DNAH8: variants seen among roughly 807,000 people sequenced by gnomAD.
The protein encoded by DNAH8 is axonemal beta dynein heavy chain 8.
A neutral mutation model predicts 562.1 loss-of-function variants in DNAH8; 382 were observed. The ratio of observed to expected loss-of-function variants is 0.68; its 90% CI spans 0.63 to 0.74. The LOEUF (loss-of-function observed/expected upper bound fraction) is 0.74, where lower values mean the gene tolerates loss of function less well. DNAH8 is among the 30% of genes least tolerant of loss of function. The pLI, the probability that DNAH8 is intolerant of heterozygous loss-of-function variation, is 0.00. For missense variants in DNAH8, 5,203 were observed against 5,620.4 expected, an observed-to-expected ratio of 0.93 and a Z score of 2.37; for synonymous variants, 1,881 against 1,919.4, an observed-to-expected ratio of 0.98 and a Z score of 0.52.
At chr6:38,898,859 G>A (rs1221913247) in intron 61 of DNAH8, among the ~76,000 whole-genome samples, 5 of 151,930 alleles carry the variant, frequency 3.3e-5, no homozygotes, top group African/African-American at 9.7e-5. Context: ...GAGGTAACAC[G>A]AAAAAGGGGT....
chr6:38,953,474 C>T (rs1762051182), intron 82 of DNAH8, among the ~76,000 whole-genome samples: 1 of 152,310 alleles, frequency 6.6e-6, no homozygotes, highest in South Asian at 2.1e-4. Flanking sequence ...TATCATACTG[C>T]TTTGCTTGGC....
chr6:38,939,148 C>T (rs149675010), intron 79 of DNAH8, among the ~76,000 whole-genome samples, 160 bp downstream of exon 79: 5 of 152,196 alleles, frequency 3.3e-5, no homozygotes, highest in South Asian at 2.1e-4. Context: ...GTTTTTCATT[C>T]GTTTTGCCCT....
At chr6:38,841,782 A>G (rs1774820966) in intron 33 of DNAH8, among the ~76,000 whole-genome samples, 2 of 151,946 alleles carry the variant, frequency 1.3e-5, no homozygotes, top group South Asian at 4.1e-4. Context: ...CAGTGGTGCA[A>G]TCATAGCTCA....
At position 38,722,913 on chromosome 6, in the gene DNAH8, G is replaced by A; in HGVS notation, c.104G>A (p.Arg35His). 6.2e-7 allele frequency: 1 copy of A among 1,612,258 alleles called. No homozygotes were observed. The highest frequency in any genetic ancestry group is 8.5e-7 in the Non-Finnish European group (1 of 1,179,582). ...PPRSEEEEAP[R>H]PPTVEAPAED... ...CGTTCAGAAGAGGAAGAGGCCCCGC[G>A]CCCTCCGACAGTGGAGGCCCCGGCA... Residue 35 changes from arginine to histidine, a missense_variant, in exon 2 of 93, where the codon CGC (arginine) becomes CAC (histidine). Physicochemically the swap from Arg to His is conservative, Grantham distance 29. Around this residue, in one of 6 missense-constraint regions of DNAH8, gnomAD observed 556 missense variants for 496.9 expected, o/e 1.12. Transcript: ENST00000327475.
intron 49 of DNAH8, among the ~76,000 whole-genome samples, chr6:38,871,467 T>G (rs183715281): frequency 1.3e-3 from 191 of 152,334 alleles, no homozygotes; most frequent in Admixed American, 2.4e-3. Flanking sequence ...ACTAGAATTT[T>G]GGGTTCTTTG....
Position 38,917,284 on chromosome 6 carries a change from C to T in DNAH8, c.10186C>T (p.Pro3396Ser), listed in dbSNP as rs758710947. Reference sequence around the variant, plus strand: ...TGCCACAGTCAGGAAACTTGCAAAACCACCACATCTTATTATGAGAATCAT... The same window carrying T: ...TGCCACAGTCAGGAAACTTGCAAAATCACCACATCTTATTATGAGAATCAT... ...DIATVRKLAK[P>S]PHLIMRIMDC... Residue 3396 changes from proline to serine, a missense_variant, in exon 69 of 93, where the codon CCA (proline) becomes TCA (serine). Around this residue, in one of 6 missense-constraint regions of DNAH8, gnomAD observed 87 missense variants for 144.9 expected, o/e 0.60. Coordinates refer to ENST00000327475, the MANE Select transcript of DNAH8 (RefSeq NM_001206927.2). 20 of 1,613,070 alleles carry T rather than the reference C, an allele frequency of 1.2e-5. No homozygotes were observed. The highest frequency in any genetic ancestry group is 1.7e-5 in the Non-Finnish European group (20 of 1,179,508).
At chr6:38,992,965 C>A (rs1033966486) in intron 88 of DNAH8, among the ~76,000 whole-genome samples, 6 of 152,010 alleles carry the variant, frequency 3.9e-5, no homozygotes, top group Admixed American at 2.0e-4. Context: ...ATATTTATAT[C>A]TCTGTATGCT....
intron 42 of DNAH8, among the ~76,000 whole-genome samples, chr6:38,859,261 T>A (rs1489151963): frequency 6.6e-6 from 1 of 152,228 alleles, no homozygotes; most frequent in Non-Finnish European, 1.5e-5. Flanking sequence ...AGTCCTGTGT[T>A]ACAGAGCATT....
At chr6:38,945,630 C>T (rs1219493399) in intron 80 of DNAH8, 42 bp downstream of exon 80, 4 of 1,610,934 alleles carry the variant, frequency 2.5e-6, no homozygotes, top group Non-Finnish European at 2.5e-6. Flanking sequence ...GATCTGCAAA[C>T]CCAAACATAC....
rs1040939238 is a variant in DNAH8, at chr6:38,851,587, A to G, written c.5379A>G (p.Lys1793=). The G allele has an allele frequency of 1.2e-6, 2 of 1,605,194 alleles. No homozygotes were observed. The highest frequency in any genetic ancestry group is 2.7e-5 in the African/African-American group (2 of 74,432). The change falls in exon 39 of 93, where the codon AAA becomes AAG. Residue 1793 remains lysine (K), a synonymous_variant. Coordinates refer to ENST00000327475, the MANE Select transcript of DNAH8 (RefSeq NM_001206927.2). ...TTATTTGAAGGTATTTGGAGAAGAAACGATTACTGTTTCCAAGATTCTTCT... is the reference window on the plus strand; with the variant it reads ...TTATTTGAAGGTATTTGGAGAAGAAGCGATTACTGTTTCCAAGATTCTTCT... ...QKSLTGYLEK[K]RLLFPRFFFV...
At chr6:39,025,545 ACCTAT>A (rs1332608754) in intron 91 of DNAH8, among the ~76,000 whole-genome samples, 5 of 152,126 alleles carry the variant, frequency 3.3e-5, no homozygotes, top group Non-Finnish European at 7.4e-5. Flanking sequence ...CCAGGCTAGG[ACCTAT>A]TCTTTCTTTC....
chr6:38,984,470 GCACACACA>G lies in DNAH8; in HGVS notation c.13053+182_13053+189del, dbSNP rs34819199. On this transcript the variant is annotated intron_variant, in intron 87 of 92. Transcript: ENST00000327475. ...TGCGCTTACACACACGCACACACAT[GCACACACA>G]CACACACACACACACACAACAACCA... The G allele has an allele frequency of 2.3e-4, 119 of 506,710 alleles. 1 individual carries two copies. Among genetic ancestry groups the G allele is most frequent in the South Asian group, 6.9e-4 (30 of 43,208 alleles). The allele number at this position is 506,710 out of a possible 1,614,324, so 31.4% of individuals were successfully genotyped here.
chr6:39,007,575 C>A (rs1765875539), intron 88 of DNAH8, among the ~76,000 whole-genome samples: 1 of 152,198 alleles, frequency 6.6e-6, no homozygotes, highest in South Asian at 2.1e-4. Context: ...CTAGGGAAAT[C>A]TTCAGTGGCT....
At chr6:38,952,665 C>A (rs1295602276) in intron 82 of DNAH8, among the ~76,000 whole-genome samples, 1 of 152,206 alleles carries the variant, frequency 6.6e-6, no homozygotes, top group Non-Finnish European at 1.5e-5. Flanking sequence ...GCTACGGTAG[C>A]ATGGTCCATG....
At chr6:38,997,092 G>T (rs775350609) in intron 88 of DNAH8, among the ~76,000 whole-genome samples, 1 of 149,614 alleles carries the variant, frequency 6.7e-6, no homozygotes, top group Non-Finnish European at 1.5e-5. Context: ...ACCCACCCCT[G>T]ATCCCCTTTC....
chr6:39,005,710 C>A (rs987339679), intron 88 of DNAH8, among the ~76,000 whole-genome samples: 11 of 152,290 alleles, frequency 7.2e-5, no homozygotes, highest in African/African-American at 1.9e-4. Context: ...GTTTGGCACA[C>A]AATTATAGGT....
intron 70 of DNAH8, 104 bp downstream of exon 70, chr6:38,918,244 G>A: frequency 1.3e-6 from 1 of 765,990 alleles, no homozygotes; most frequent in Non-Finnish European, 2.0e-6. Flanking sequence ...AATAAAGGTA[G>A]ATGTCCCTGT....
chr6:38,823,155 A>C, intron 27 of DNAH8, 121 bp downstream of exon 27: 1 of 813,906 alleles, frequency 1.2e-6, no homozygotes, highest in Non-Finnish European at 1.8e-6. Flanking sequence ...GAATCTATAA[A>C]TACCAAGCAC....
At chr6:38,877,781 G>C (rs1328757860) in intron 53 of DNAH8, among the ~76,000 whole-genome samples, 1 of 152,152 alleles carries the variant, frequency 6.6e-6, no homozygotes, top group Non-Finnish European at 1.5e-5. Flanking sequence ...AGCGAAGATG[G>C]AGTAATGGGG....
Sources: allele counts gnomAD v4.1 joint callset (sites outside exome capture counted in the v4.1 genomes callset), GRCh38; gene constraint gnomAD v4.1.1; regional missense constraint gnomAD v4.1.1; transcripts MANE v1.5; gene names NCBI Gene and HGNC (gene_info 2026-07-23, HGNC 2026-07-21).